Variants in NAA35 observed in about 807,000 individuals in gnomAD.
NAA35 encodes the protein N-alpha-acetyltransferase 35, NatC auxiliary subunit, also known as MAK10 homolog, amino-acid N-acetyltransferase subunit.
Under a neutral mutation model 101.7 loss-of-function variants are expected in NAA35, and 18 were observed. That is an observed-to-expected ratio of 0.18 (90% CI 0.12 to 0.26). The LOEUF (loss-of-function observed/expected upper bound fraction) is 0.26. NAA35 is among the 10% of genes least tolerant of loss of function. The pLI is 1.00. For missense variants in NAA35, 601 were observed against 886.8 expected (o/e 0.68, Z 4.09); for synonymous variants, 267 against 273.1 (o/e 0.98, Z 0.22).
At chr9:86,017,463 AT>A in intron 18 of NAA35, 34 bp from the exon 19 acceptor site, 1 of 1,600,090 alleles carries the variant, frequency 6.2e-7, no homozygotes, top group Non-Finnish European at 8.6e-7. Context: ...GGAGGAAAAG[AT>A]TATGGAAGAT....
At chr9:86,007,488 A>AGTTGTAT in intron 14 of NAA35, 24 bp downstream of exon 14, 1 of 1,582,666 alleles carries the variant, frequency 6.3e-7, no homozygotes, top group Middle Eastern at 1.7e-4. Context: ...GACATTTTAG[A>AGTTGTAT]GTTGTATGTA....
chr9:85,977,230 A>G (rs1830250885), intron 9 of NAA35, 133 bp from the exon 10 acceptor site: 1 of 679,088 alleles, frequency 1.5e-6, no homozygotes. Flanking sequence ...CAGGCTTTTA[A>G]AAGCCTGTAA....
intron 12 of NAA35, among the ~76,000 whole-genome samples, chr9:85,996,939 ACT>A (rs1831187320): frequency 6.6e-6 from 1 of 150,406 alleles, no homozygotes; most frequent in African/African-American, 2.4e-5. Flanking sequence ...GTGAACTTAA[ACT>A]CTTTTTTTTT....
At chr9:85,974,206 G>A (rs1367838666) in intron 6 of NAA35, among the ~76,000 whole-genome samples, 2 of 152,010 alleles carry the variant, frequency 1.3e-5, no homozygotes, top group Non-Finnish European at 2.9e-5. Context: ...TAATCCACCC[G>A]CCTCGGTCTC....
At chr9:85,944,410 GTC>G (rs1007535816) in intron 2 of NAA35, among the ~76,000 whole-genome samples, 14 of 152,216 alleles carry the variant, frequency 9.2e-5, no homozygotes, top group African/African-American at 3.4e-4. Flanking sequence ...GATGAAAAGA[GTC>G]TACTTAGACA....
intron 6 of NAA35, 139 bp downstream of exon 6, chr9:85,962,319 T>G: frequency 2.8e-5 from 18 of 647,872 alleles, no homozygotes; most frequent in Non-Finnish European, 4.0e-5. Flanking sequence ...GGTGAAACAC[T>G]GTCTCTACTA....
chr9:85,953,852 TG>T (rs1829126983), intron 2 of NAA35, among the ~76,000 whole-genome samples: 1 of 152,238 alleles, frequency 6.6e-6, no homozygotes, highest in Non-Finnish European at 1.5e-5. Context: ...TGTTGTAGCA[TG>T]TCAGAATTTC....
intron 11 of NAA35, among the ~76,000 whole-genome samples, chr9:85,994,247 T>A (rs187755096): frequency 5.3e-5 from 8 of 152,344 alleles, no homozygotes; most frequent in African/African-American, 1.9e-4. Context: ...GCTGTGCAAC[T>A]ATCACCACTG....
intron 14 of NAA35, 115 bp from the exon 15 acceptor site, chr9:86,009,750 T>C (rs993166262): frequency 4.2e-5 from 29 of 690,738 alleles, no homozygotes; most frequent in Admixed American, 9.7e-5. Context: ...AACTTAGGTA[T>C]CGGTTCCATT....
intron 17 of NAA35, chr9:86,014,256 C>T (rs910787361): frequency 2.5e-6 from 1 of 395,712 alleles, no homozygotes; most frequent in African/African-American, 2.2e-5. Context: ...GGAATGAGGT[C>T]TGTCTTCTTG....
chr9:85,959,377 A>C (rs1463176297), intron 4 of NAA35, among the ~76,000 whole-genome samples: 1 of 138,482 alleles, frequency 7.2e-6, no homozygotes, highest in Non-Finnish European at 1.5e-5. Context: ...ACTCTGTCTC[A>C]AAAAAAAAAA....
chr9:86,014,214 T>A (rs1362381598), intron 17 of NAA35: 1 of 215,278 alleles, frequency 4.6e-6, no homozygotes, highest in Non-Finnish European at 8.0e-6. Flanking sequence ...TGGCACTAGC[T>A]GTGGATGTAC....
chr9:85,976,071 A>G (rs1455632804), intron 8 of NAA35, among the ~76,000 whole-genome samples: 1 of 152,270 alleles, frequency 6.6e-6, no homozygotes, highest in East Asian at 1.9e-4. Flanking sequence ...ACAGTGCTCC[A>G]CTTTTAGATG....
intron 12 of NAA35, among the ~76,000 whole-genome samples, chr9:85,998,732 ATG>A (rs1831285281): frequency 6.6e-6 from 1 of 152,186 alleles, no homozygotes; most frequent in Admixed American, 6.5e-5. Flanking sequence ...AAGGTAGAAA[ATG>A]TGCAAGACAG....
At chr9:86,005,709 A>G (rs1831605790) in intron 13 of NAA35, among the ~76,000 whole-genome samples, 2 of 150,750 alleles carry the variant, frequency 1.3e-5, no homozygotes, top group African/African-American at 4.9e-5. Context: ...TCAAAATTTT[A>G]AAAACCAAAC....
chr9:85,957,770 G>A lies in NAA35; in HGVS notation c.159-702G>A, dbSNP rs566152218. ...AAACTTTTAATTAGTAAGTAGACAA[G>A]ATTGGACATTGTGGTTGCAGGGAAG... On this transcript the variant is annotated intron_variant, in intron 3 of 22. Transcript: ENST00000361671. 2.6e-5 allele frequency among the ~76,000 whole-genome samples: 4 copies of A among 152,264 alleles called. No homozygotes were observed. In the South Asian group the frequency reaches 8.3e-4, roughly 32 times the overall value.
chr9:85,999,378 C>G (rs1831319161), intron 12 of NAA35, among the ~76,000 whole-genome samples: 1 of 152,154 alleles, frequency 6.6e-6, no homozygotes, highest in Non-Finnish European at 1.5e-5. Flanking sequence ...TAAAATCAAC[C>G]TGTAAACCCA....
At chr9:85,980,845 A>G (rs1830408673) in intron 11 of NAA35, among the ~76,000 whole-genome samples, 1 of 152,152 alleles carries the variant, frequency 6.6e-6, no homozygotes, top group Middle Eastern at 3.2e-3. Flanking sequence ...TCGCCCCTCA[A>G]CGACTTGGCC....
intron 15 of NAA35, 59 bp downstream of exon 15, chr9:86,009,990 G>A (rs570522904): frequency 8.7e-6 from 12 of 1,384,888 alleles, no homozygotes; most frequent in African/African-American, 4.3e-5. Context: ...GGCTGTGGCC[G>A]GGCACGGTGG....
Sources: allele counts gnomAD v4.1 joint callset (sites outside exome capture counted in the v4.1 genomes callset), GRCh38; gene constraint gnomAD v4.1.1; transcripts MANE v1.5; gene names NCBI Gene and HGNC (gene_info 2026-07-23, HGNC 2026-07-21).